Variants in EIF2B5 observed in about 807,000 individuals in gnomAD.
EIF2B5 encodes the protein translation initiation factor eIF2B subunit epsilon.
EIF2B5 carries 38 observed loss-of-function variants against 87.3 expected under a neutral mutation model. The ratio of observed to expected loss-of-function variants is 0.44; its 90% CI spans 0.34 to 0.57. EIF2B5 has a LOEUF of 0.57. Among genes scored for constraint, EIF2B5 ranks in the 20% least tolerant of loss-of-function variants. The probability of loss-of-function intolerance (pLI) is 0.02; values close to 1 mark genes in which losing one functional copy is unlikely to be tolerated. For missense variants in EIF2B5, 784 were observed against 909.5 expected (o/e 0.86, Z 1.78); for synonymous variants, 313 against 339.6 (o/e 0.92, Z 0.86).
intron 13 of EIF2B5, 155 bp downstream of exon 13, chr3:184,143,720 G>T: frequency 8.7e-7 from 1 of 1,149,938 alleles, no homozygotes; most frequent in Non-Finnish European, 1.3e-6. Flanking sequence ...GGCTGGTTCA[G>T]AGGGGTCAGA....
intron 1 of EIF2B5, chr3:184,135,936 T>G: frequency 3.1e-6 from 1 of 326,836 alleles, no homozygotes; most frequent in East Asian, 6.7e-5. Context: ...AACGACCTTT[T>G]GCCTCTGAAA....
intron 5 of EIF2B5, among the ~76,000 whole-genome samples, chr3:184,139,757 C>G (rs141985150): frequency 0.019 from 2,874 of 151,348 alleles, 99 homozygotes; most frequent in African/African-American, 0.066. Context: ...GTGGCTCACG[C>G]TTGTAATCCC....
At chr3:184,144,360 T>C (rs1429173829) in intron 14 of EIF2B5, 136 bp downstream of exon 14, 1 of 1,439,372 alleles carries the variant, frequency 6.9e-7, no homozygotes, top group Non-Finnish European at 9.6e-7. Context: ...ATTGCTAGAA[T>C]AGTACAGCTT....
chr3:184,143,740 A>G (rs1273963250), intron 13 of EIF2B5, 175 bp downstream of exon 13: 18 of 920,474 alleles, frequency 2.0e-5, no homozygotes, highest in Middle Eastern at 6.0e-4. Flanking sequence ...ATTGAGTTCA[A>G]TACTGACTGG....
rs778450844 is a variant in EIF2B5, at chr3:184,135,441, G to T, written c.56G>T (p.Arg19Leu). Residue 19 changes from arginine to leucine, a missense_variant, in exon 1 of 16, where the codon CGC (arginine) becomes CTC (leucine). By Grantham distance (102) the Arg-to-Leu change is moderately radical. Around this residue, in one of 3 missense-constraint regions of EIF2B5, gnomAD observed 117 missense variants for 101.0 expected, o/e 1.16. Coordinates refer to ENST00000648915, the MANE Select transcript of EIF2B5 (RefSeq NM_003907.3). ...GTGGTGGTTAGTCGGGCTAACAAGC[G>T]CAGCGGCGCGGGGCCGGGAGGCAGC... ...PGVVVSRANK[R>L]SGAGPGGSGG... 9.5e-6 allele frequency: 15 copies of T among 1,581,320 alleles called. No individual in the cohort carries two copies. In the East Asian group the frequency reaches 1.6e-4, roughly 17 times the overall value.
chr3:184,142,940 C>T lies in EIF2B5; in HGVS notation c.1654+54C>T. The T allele has an allele frequency of 6.3e-7, 1 of 1,579,976 alleles. No individual in the cohort carries two copies. The highest frequency in any genetic ancestry group is 8.7e-7 in the Non-Finnish European group (1 of 1,155,868). On this transcript the variant is annotated intron_variant, in intron 11 of 15. Transcript: ENST00000648915. The surrounding 1 kb of genome is among the most constrained non-coding windows in gnomAD (Gnocchi z 5.0). ...CCAGTTTATTCTCTGCCTGGATCAACTAGCCAGAGGCTTACGTTCCTCAGA... is the reference window on the plus strand; with the variant it reads ...CCAGTTTATTCTCTGCCTGGATCAATTAGCCAGAGGCTTACGTTCCTCAGA...
Position 184,142,057 on chromosome 3 carries a change from T to C in EIF2B5, c.1289T>C (p.Val430Ala), listed in dbSNP as rs113994079. The change falls in exon 8 of 16, where the codon GTC (valine) becomes GCC (alanine). Residue 430 changes from valine (V) to alanine (A), a missense_variant. By Grantham distance (64) the Val-to-Ala change is moderately conservative. Around this residue, in one of 3 missense-constraint regions of EIF2B5, gnomAD observed 660 missense variants for 789.5 expected, o/e 0.84. Coordinates refer to ENST00000648915, the MANE Select transcript of EIF2B5 (RefSeq NM_003907.3). The surrounding 1 kb of genome is among the most constrained non-coding windows in gnomAD (Gnocchi z 5.0). ...KERVTLKPRSVLTSQVVVGPN... is the reference protein window; with the variant it reads ...KERVTLKPRSALTSQVVVGPN... ...CGAGTGACACTGAAACCACGCTCTG[T>C]CCTCACTTCCCAGGTGAGACCTGAT... is the stretch of plus-strand genomic sequence containing the variant. The C allele has an allele frequency of 3.1e-6, 5 of 1,614,042 alleles. No homozygotes were observed. Among genetic ancestry groups the C allele is most frequent in the Admixed American group, 1.7e-5 (1 of 59,998 alleles).
rs1560110872 is a variant in EIF2B5 at position 184,144,979 on chromosome 3, GCCCT to G, written c.*39_*42del. On this transcript the variant is annotated 3_prime_UTR_variant, in exon 16 of 16. Transcript: ENST00000648915. The stretch of plus-strand genomic sequence containing the variant: ...CCTGCTCCTTTGGGTGTGATTGAGT[GCCCT>G]CCTGGCTCCTGGGCTGGGACAAGTG... The G allele has an allele frequency of 8.1e-6, 13 of 1,602,470 alleles. 1 individual carries two copies. The South Asian group carries it at 1.4e-4, about 18-fold the overall frequency.
chr3:184,141,932 C>T lies in EIF2B5; in HGVS notation c.1164C>T (p.Asn388=), dbSNP rs775010016. The change falls in exon 8 of 16, where the codon AAC becomes AAT. Residue 388 remains asparagine (N), a synonymous_variant. Transcript: ENST00000648915. ...CTTCCCATCCTGAGCCAGGTGATAA[C>T]GTGGTGCTGGACCAGACCTACCTGT... is the stretch of plus-strand genomic sequence containing the variant. The part of the protein sequence containing the change: ...VIGPGCHIGD[N]VVLDQTYLWQ... 3 of 1,614,054 alleles carry T rather than the reference C, an allele frequency of 1.9e-6. No homozygotes were observed. Among genetic ancestry groups the T allele is most frequent in the Middle Eastern group, 1.7e-4 (1 of 6,060 alleles).
rs78639172 is a variant in EIF2B5, at chr3:184,141,774, G to C, written c.1157-151G>C. On this transcript the variant is annotated intron_variant, in intron 7 of 15. Coordinates refer to ENST00000648915, the MANE Select transcript of EIF2B5 (RefSeq NM_003907.3). Reference sequence around the variant, plus strand: ...AGTATCTTCTCAGGCCTGGGCTTAGGGGGTGAGTGGGTGTTTCTGGTGACT... The same window carrying C: ...AGTATCTTCTCAGGCCTGGGCTTAGCGGGTGAGTGGGTGTTTCTGGTGACT... The C allele has an allele frequency of 3.2e-3, 2,904 of 901,208 alleles. 40 individuals are homozygous for C. The highest frequency in any genetic ancestry group is 0.021 in the East Asian group (790 of 37,982). The allele number at this position is 901,208 out of a possible 1,614,324, so 55.8% of individuals were successfully genotyped here.
At position 184,145,081 on chromosome 3, in the gene EIF2B5, G is replaced by C; in HGVS notation, c.*138G>C. On this transcript the variant is annotated 3_prime_UTR_variant, in exon 16 of 16. Transcript: ENST00000648915. The surrounding 1 kb of genome is among the most constrained non-coding windows in gnomAD (Gnocchi z 4.0). ...GAAAGGAGCAGAGGCTGGAACTACA[G>C]TATTCTTTCCCCTGCTAGCAACCAT... 1.2e-6 allele frequency: 1 copy of C among 802,570 alleles called. No individual in the cohort carries two copies. Among genetic ancestry groups the C allele is most frequent in the Non-Finnish European group, 2.1e-6 (1 of 476,150 alleles). The allele number at this position is 802,570 out of a possible 1,614,324, so 49.7% of individuals were successfully genotyped here.
At chr3:184,138,296 G>T (rs1213288483) in intron 5 of EIF2B5, 50 bp downstream of exon 5, 1 of 1,531,580 alleles carries the variant, frequency 6.5e-7, no homozygotes, top group Admixed American at 1.7e-5. Flanking sequence ...GAACTCTGTG[G>T]GTCTGTTATT....
chr3:184,145,196 T>C lies in EIF2B5; in HGVS notation c.*253T>C, dbSNP rs1577037067. The C allele has an allele frequency of 3.5e-6, 2 of 566,526 alleles. No individual in the cohort carries two copies. The highest frequency in any genetic ancestry group is 6.4e-6 in the Non-Finnish European group (2 of 314,804). The allele number at this position is 566,526 out of a possible 1,614,324, so 35.1% of individuals were successfully genotyped here. On this transcript the variant is annotated 3_prime_UTR_variant, in exon 16 of 16. Transcript: ENST00000648915. This position sits in a 1 kb window ranked among gnomAD's most constrained non-coding sequence, Gnocchi z 4.0. The stretch of plus-strand genomic sequence containing the variant: ...GGGAGGAGCTAAGCAGGCCCGGCAG[T>C]TGGAGGAAGGCCAGAGGAACAGCTT...
Position 184,144,149 on chromosome 3 carries a change from C to A in EIF2B5, c.1920C>A (p.Ala640=), listed in dbSNP as rs149329097. ...TTAGGAACTACATAAAGCGCGCAGC[C>A]GACCATTTGGAAGCGTTAGCAGCCA... ...PVFRNYIKRA[A]DHLEALAAIE... Residue 640 remains alanine, a synonymous_variant, in exon 14 of 16, where the codon GCC becomes GCA. Coordinates refer to ENST00000648915, the MANE Select transcript of EIF2B5 (RefSeq NM_003907.3). 1 of 1,614,200 alleles carries A rather than the reference C, an allele frequency of 6.2e-7. No homozygotes were observed.
Position 184,136,622 on chromosome 3 carries a change from C to A in EIF2B5, c.206C>A (p.Pro69His). The A allele has an allele frequency of 6.2e-7, 1 of 1,614,110 alleles. No homozygotes were observed. The highest frequency in any genetic ancestry group is 8.5e-7 in the Non-Finnish European group (1 of 1,180,034). Residue 69 changes from proline (P) to histidine (H), a missense_variant, in exon 2 of 16, where the codon CCC becomes CAC. Coordinates refer to ENST00000648915, the MANE Select transcript of EIF2B5 (RefSeq NM_003907.3). ...TCTTGTATCCTTCAGGTCCTCTTGC[C>A]CCTGGCCAATGTGGCATTAATTGAC... is the stretch of plus-strand genomic sequence containing the variant. ...ISKDQPRVLL[P>H]LANVALIDYT... is the part of the protein sequence containing the mutation.
chr3:184,140,979 T>C, intron 7 of EIF2B5: 1 of 568,948 alleles, frequency 1.8e-6, no homozygotes, highest in Non-Finnish European at 3.1e-6. Context: ...CAGGAGCAAG[T>C]AGATAATTAA....
chr3:184,140,844 A>T (rs1379436362), intron 7 of EIF2B5, 114 bp downstream of exon 7: 2 of 1,247,266 alleles, frequency 1.6e-6, no homozygotes, highest in Non-Finnish European at 2.3e-6. Context: ...GGAATAAGGA[A>T]CTATAGAGCG....
chr3:184,135,668 C>T, intron 1 of EIF2B5, 88 bp downstream of exon 1: 1 of 1,493,386 alleles, frequency 6.7e-7, no homozygotes, highest in Non-Finnish European at 9.1e-7. Context: ...CAACAGCATG[C>T]CCTTGAAGGA....
Position 184,142,345 on chromosome 3 carries a change from G to T in EIF2B5, c.1411G>T (p.Ala471Ser). Residue 471 changes from alanine (A) to serine (S), a missense_variant, in exon 9 of 16, where the codon GCT becomes TCT. By Grantham distance (99) the Ala-to-Ser change is moderately conservative (BLOSUM62 1). Around this residue, in one of 3 missense-constraint regions of EIF2B5, gnomAD observed 660 missense variants for 789.5 expected, o/e 0.84. Transcript: ENST00000648915. This position sits in a 1 kb window ranked among gnomAD's most constrained non-coding sequence, Gnocchi z 5.0. ...TGGCGAGTTCAGTGATGATTCTGGGGCTGACCAAGAAAAGGACAAAGTGAA... is the reference window on the plus strand; with the variant it reads ...TGGCGAGTTCAGTGATGATTCTGGGTCTGACCAAGAAAAGGACAAAGTGAA... ...DDGEFSDDSGADQEKDKVKMK... is the reference protein window; with the variant it reads ...DDGEFSDDSGSDQEKDKVKMK... 2 of 1,614,148 alleles carry T rather than the reference G, an allele frequency of 1.2e-6. No individual in the cohort carries two copies. The highest frequency in any genetic ancestry group is 1.7e-6 in the Non-Finnish European group (2 of 1,180,032).
Sources: gnomAD v4.1 joint callset for allele counts (sites outside exome capture counted in the v4.1 genomes callset) on GRCh38, gnomAD v4.1.1 for gene constraint, gnomAD v4.1.1 regional missense constraint, Gnocchi (gnomAD v3.1) non-coding constraint, MANE v1.5 for transcripts, NCBI Gene and HGNC (gene_info 2026-07-23, HGNC 2026-07-21) for gene names.